Variants in SASS6 observed in about 807,000 individuals in gnomAD.
SASS6 encodes SAS-6 centriolar assembly protein, also known as spindle assembly abnormal protein 6 homolog.
In SASS6, 59 loss-of-function variants were observed where a neutral mutation model predicts 94.9. The ratio of observed to expected loss-of-function variants is 0.62; its 90% confidence interval spans 0.50 to 0.77. SASS6 has a LOEUF of 0.77. Ranked by LOEUF, SASS6 falls within the 30% of genes least tolerant of loss-of-function variation. SASS6 has a pLI of 0.00. For synonymous variants in SASS6, 264 were observed against 270.0 expected (o/e 0.98, Z 0.22); for missense variants, 698 against 734.1 (o/e 0.95, Z 0.57).
rs748909055 is a variant in SASS6 at position 100,107,365 on chromosome 1, A to C, written c.1326+9T>G. ...TAGTTACAACATAAAAATTTAAAAT[A>C]TTAACTACCTCTTGCTCTTTAATTC... On this transcript the variant is annotated intron_variant, in intron 11 of 16. Coordinates refer to ENST00000287482, the MANE Select transcript of SASS6 (RefSeq NM_194292.3). The C allele has an allele frequency of 1.3e-5, 20 of 1,537,876 alleles. No homozygotes were observed. Among genetic ancestry groups the C allele is most frequent in the Admixed American group, 4.1e-5 (2 of 48,636 alleles).
intron 14 of SASS6, among the ~76,000 whole-genome samples, chr1:100,100,774 A>G (rs1053618414): frequency 2.0e-5 from 3 of 152,256 alleles, no homozygotes; most frequent in Non-Finnish European, 4.4e-5. Flanking sequence ...ATTCAAAAGT[A>G]CATGTTTTAA....
intron 9 of SASS6, 38 bp downstream of exon 9, chr1:100,107,772 T>C (rs1653017369): frequency 6.4e-7 from 1 of 1,553,952 alleles, no homozygotes; most frequent in Non-Finnish European, 8.8e-7. Flanking sequence ...TACTTATAAA[T>C]ATGATTATCA....
chr1:100,107,770 AAT>A, intron 9 of SASS6, 38 bp downstream of exon 9: 1 of 1,553,552 alleles, frequency 6.4e-7, no homozygotes, highest in Non-Finnish European at 8.8e-7. Flanking sequence ...TTTACTTATA[AAT>A]ATGATTATCA....
At chr1:100,123,812 A>G (rs1375920811) in intron 2 of SASS6, among the ~76,000 whole-genome samples, 1 of 152,232 alleles carries the variant, frequency 6.6e-6, no homozygotes, top group Non-Finnish European at 1.5e-5. Context: ...ATTCTCTCCT[A>G]GGCCAGGTGG....
intron 1 of SASS6, among the ~76,000 whole-genome samples, chr1:100,131,420 A>G (rs192079874): frequency 1.1e-4 from 17 of 152,346 alleles, no homozygotes; most frequent in Admixed American, 9.1e-4. Context: ...ATTAATTTTA[A>G]TAATACATTG....
At chr1:100,125,081 A>G (rs1654502191) in intron 2 of SASS6, among the ~76,000 whole-genome samples, 1 of 151,976 alleles carries the variant, frequency 6.6e-6, no homozygotes, top group Admixed American at 6.6e-5. Flanking sequence ...AATGACTCAC[A>G]CTTTTGAAGG....
intron 1 of SASS6, among the ~76,000 whole-genome samples, chr1:100,127,385 T>A (rs960235324): frequency 6.6e-6 from 1 of 152,230 alleles, no homozygotes; most frequent in South Asian, 2.1e-4. Flanking sequence ...TTGGAAACAG[T>A]TGATCAAGGC....
At chr1:100,101,757 T>C (rs1010541285) in intron 14 of SASS6, among the ~76,000 whole-genome samples, 3 of 152,186 alleles carry the variant, frequency 2.0e-5, no homozygotes, top group Non-Finnish European at 2.9e-5. Flanking sequence ...TGCATCTAAG[T>C]ACTCTTTACA....
chr1:100,119,188 T>C, intron 6 of SASS6, 51 bp from the exon 7 acceptor site: 2 of 1,045,302 alleles, frequency 1.9e-6, no homozygotes, highest in Non-Finnish European at 2.7e-6. Context: ...TAATATGTAA[T>C]AATTTTGATT....
intron 1 of SASS6, among the ~76,000 whole-genome samples, chr1:100,127,379 A>C (rs1557896881): frequency 6.6e-6 from 1 of 152,272 alleles, no homozygotes; most frequent in Non-Finnish European, 1.5e-5. Flanking sequence ...GAAAACTTGG[A>C]AACAGTTGAT....
At chr1:100,106,238 TGTTA>T (rs544289119) in intron 12 of SASS6, among the ~76,000 whole-genome samples, 1 of 152,146 alleles carries the variant, frequency 6.6e-6, no homozygotes, top group East Asian at 1.9e-4. Flanking sequence ...ACTGAGAAAA[TGTTA>T]GTTAAAATCT....
Position 100,084,747 on chromosome 1 carries a change from AT to A in SASS6, c.*580del, listed in dbSNP as rs970390465. The A allele has an allele frequency of 6.6e-6, 1 of 152,206 alleles. No homozygotes were observed. The highest frequency in any genetic ancestry group is 1.5e-5 in the Non-Finnish European group (1 of 68,020). 9.4% of individuals were successfully genotyped at this position (152,206 alleles called of 1,614,324 possible). On this transcript the variant is annotated 3_prime_UTR_variant, in exon 17 of 17. Coordinates refer to ENST00000287482, the MANE Select transcript of SASS6 (RefSeq NM_194292.3). ...ATTTTAAGTATATCAAATTTATTTG[AT>A]TCATCACTAGCAAATTTAAATGCTT...
intron 1 of SASS6, among the ~76,000 whole-genome samples, chr1:100,132,262 G>A (rs1158753832): frequency 1.3e-5 from 2 of 152,140 alleles, no homozygotes; most frequent in Admixed American, 1.3e-4. Flanking sequence ...AGCAACTGAT[G>A]TGAAGAGCCA....
At chr1:100,110,563 A>G in intron 7 of SASS6, 80 bp from the exon 8 acceptor site, 1 of 699,852 alleles carries the variant, frequency 1.4e-6, no homozygotes, top group Non-Finnish European at 2.2e-6. Flanking sequence ...TGAACAAAAA[A>G]AAATTGTAAT....
intron 14 of SASS6, among the ~76,000 whole-genome samples, chr1:100,097,394 T>G (rs534656802): frequency 1.3e-5 from 2 of 152,194 alleles, no homozygotes; most frequent in East Asian, 3.9e-4. Flanking sequence ...TTAAAACAAC[T>G]CAAATGTCCA....
rs1304964097 is a variant in SASS6, at chr1:100,084,752, T to C, written c.*576A>G. On this transcript the variant is annotated 3_prime_UTR_variant, in exon 17 of 17. Coordinates refer to ENST00000287482, the MANE Select transcript of SASS6 (RefSeq NM_194292.3). ...AAGTATATCAAATTTATTTGATTCA[T>C]CACTAGCAAATTTAAATGCTTCAAG... is the stretch of plus-strand genomic sequence containing the variant. 6.6e-6 allele frequency: 1 copy of C among 152,186 alleles called. No individual in the cohort carries two copies. Among genetic ancestry groups the C allele is most frequent in the Non-Finnish European group, 1.5e-5 (1 of 68,018 alleles). 9.4% of individuals were successfully genotyped at this position (152,186 alleles called of 1,614,324 possible). A position where few individuals can be genotyped will look rare whatever the true frequency, so the allele number is the denominator to read the frequency against.
chr1:100,129,070 C>G (rs1308801312), intron 1 of SASS6, among the ~76,000 whole-genome samples: 1 of 151,952 alleles, frequency 6.6e-6, no homozygotes, highest in East Asian at 1.9e-4. Context: ...AAAATCCTAT[C>G]TCTACAAAAA....
Position 100,132,808 on chromosome 1 carries a change from G to C in SASS6, c.7C>G (p.Gln3Glu), listed in dbSNP as rs1473831975. ...GGGACTAGTTGGTGGAACAGCACTT[G>C]GCTCATGTTGGCTCGCTGCCTCGGC... MS[Q>E]VLFHQLVPLQ... The change falls in exon 1 of 17, where the codon CAA (glutamine) becomes GAA (glutamate). Residue 3 changes from glutamine to glutamate, a missense_variant. By Grantham distance (29) the Gln-to-Glu change is conservative. Coordinates refer to ENST00000287482, the MANE Select transcript of SASS6 (RefSeq NM_194292.3). 6.2e-7 allele frequency: 1 copy of C among 1,613,994 alleles called. No individual in the cohort carries two copies. The highest frequency in any genetic ancestry group is 1.7e-5 in the Admixed American group (1 of 60,032).
In SASS6 at chr1:100,105,939, T is replaced by C. The variant is rs767435490; in HGVS notation, c.1409-36A>G. The C allele has an allele frequency of 1.3e-5, 18 of 1,389,108 alleles. No individual in the cohort carries two copies. In the Middle Eastern group the frequency reaches 7.2e-4, roughly 56 times the overall value. The allele number at this position is 1,389,108 out of a possible 1,614,324, so 86.0% of individuals were successfully genotyped here. On this transcript the variant is annotated intron_variant, in intron 12 of 16. Coordinates refer to ENST00000287482, the MANE Select transcript of SASS6 (RefSeq NM_194292.3). ...AGAACAAGAAGCAAGGTAAAGAATA[T>C]TGACTGTTTATTTTTCTAATCATCT...
Sources: allele counts gnomAD v4.1 joint callset (sites outside exome capture counted in the v4.1 genomes callset), GRCh38; gene constraint gnomAD v4.1.1; transcripts MANE v1.5; gene names NCBI Gene and HGNC (gene_info 2026-07-23, HGNC 2026-07-21).